The following PLPP1 variants were observed in gnomAD, a reference collection of about 807,000 sequenced individuals.
PLPP1 encodes the protein lipid phosphate phosphohydrolase 1a.
PLPP1 carries 24 observed loss-of-function variants against 31.2 expected under a neutral mutation model. That is an observed-to-expected ratio of 0.77 (90% CI 0.56 to 1.08). The LOEUF (loss-of-function observed/expected upper bound fraction) is 1.08. Ranked by LOEUF, PLPP1 falls within the 50% of genes least tolerant of loss-of-function variation. PLPP1 has a pLI of 0.00. For missense variants in PLPP1, 319 were observed against 342.7 expected, an observed-to-expected ratio of 0.93 and a Z score of 0.55; for synonymous variants, 146 against 126.3, an observed-to-expected ratio of 1.16 and a Z score of -1.05.
intron 1 of PLPP1, chr5:55,530,298 T>C (rs1371781147): frequency 1.7e-5 from 25 of 1,502,534 alleles, no homozygotes; most frequent in African/African-American, 2.8e-5. Context: ...CTGGCTAGGA[T>C]CTCCCCAAGG....
intron 3 of PLPP1, among the ~76,000 whole-genome samples, chr5:55,451,408 C>G (rs1751888334): frequency 6.6e-6 from 1 of 152,216 alleles, no homozygotes; most frequent in Admixed American, 6.5e-5. Flanking sequence ...AGGCAAAAGC[C>G]CACACAAATG....
At chr5:55,483,801 G>A (rs1245004457) in intron 1 of PLPP1, among the ~76,000 whole-genome samples, 2 of 151,756 alleles carry the variant, frequency 1.3e-5, no homozygotes, top group Non-Finnish European at 2.9e-5. Context: ...ACATCCCAGA[G>A]TAAAGGAATT....
chr5:55,519,838 G>C (rs1753627561), intron 1 of PLPP1, among the ~76,000 whole-genome samples: 1 of 151,832 alleles, frequency 6.6e-6, no homozygotes, highest in Admixed American at 6.6e-5. Context: ...TCTGAAGACA[G>C]TTACCTAAAA....
intron 1 of PLPP1, among the ~76,000 whole-genome samples, chr5:55,495,054 C>T (rs576089879): frequency 2.6e-5 from 4 of 151,136 alleles, no homozygotes; most frequent in South Asian, 4.2e-4. Context: ...TCGCTTGAAC[C>T]CGGGAGGCAG....
chr5:55,491,184 T>C, intron 1 of PLPP1: 1 of 1,500,626 alleles, frequency 6.7e-7, no homozygotes, highest in Non-Finnish European at 9.0e-7. Flanking sequence ...TAAAGTCTAC[T>C]GAATGGGATG....
chr5:55,532,772 GACGGTGAAACCCCGTCTCTAC>G (rs2111967424), intron 1 of PLPP1, among the ~76,000 whole-genome samples: 1 of 151,980 alleles, frequency 6.6e-6, no homozygotes, highest in East Asian at 2.0e-4. Flanking sequence ...GCCTGGCCAA[GACGGTGAAACCCCGTCTCTAC>G]TAAAAATACG....
At chr5:55,506,642 A>C (rs1214613397) in intron 1 of PLPP1, among the ~76,000 whole-genome samples, 2 of 152,224 alleles carry the variant, frequency 1.3e-5, no homozygotes, top group Admixed American at 1.3e-4. Flanking sequence ...CTGATTTTTT[A>C]CCAAAAAGGT....
intron 1 of PLPP1, among the ~76,000 whole-genome samples, chr5:55,496,270 T>C (rs186758174): frequency 6.6e-6 from 1 of 152,352 alleles, no homozygotes; most frequent in East Asian, 1.9e-4. Flanking sequence ...AGATACACTT[T>C]TTCCTTAATA....
intron 4 of PLPP1, among the ~76,000 whole-genome samples, chr5:55,427,575 A>G (rs1751237300): frequency 6.6e-6 from 1 of 152,160 alleles, no homozygotes; most frequent in East Asian, 1.9e-4. Context: ...CAGAGCTAGG[A>G]CTCCAAGGTC....
intron 1 of PLPP1, among the ~76,000 whole-genome samples, chr5:55,526,931 CAAAAA>C (rs34267008): frequency 4.0e-5 from 3 of 75,502 alleles, no homozygotes; most frequent in Admixed American, 1.8e-4. Context: ...GATTCCATCT[CAAAAA>C]AAAAAAAAAA....
chr5:55,532,681 G>A (rs762307759), intron 1 of PLPP1, among the ~76,000 whole-genome samples: 2 of 152,166 alleles, frequency 1.3e-5, no homozygotes, highest in Non-Finnish European at 2.9e-5. Flanking sequence ...GTGTTCAGTT[G>A]GGCGCGGTGG....
intron 4 of PLPP1, among the ~76,000 whole-genome samples, chr5:55,439,507 A>G (rs1395183763): frequency 1.3e-5 from 2 of 152,196 alleles, no homozygotes; most frequent in Non-Finnish European, 2.9e-5. Flanking sequence ...TTCCTTGCCC[A>G]GTGACACCCT....
At chr5:55,457,480 T>A (rs547758217) in intron 3 of PLPP1, among the ~76,000 whole-genome samples, 79 of 152,284 alleles carry the variant, frequency 5.2e-4, no homozygotes, top group African/African-American at 1.7e-3. Flanking sequence ...ATAAATATAT[T>A]TCACATTTTG....
chr5:55,448,234 T>C (rs1372020555), intron 3 of PLPP1, among the ~76,000 whole-genome samples: 2 of 152,174 alleles, frequency 1.3e-5, no homozygotes, highest in African/African-American at 4.8e-5. Context: ...GAATCTCACA[T>C]CTAAGATACT....
intron 1 of PLPP1, among the ~76,000 whole-genome samples, chr5:55,524,928 A>G (rs1753749238): frequency 6.6e-6 from 1 of 152,200 alleles, no homozygotes; most frequent in African/African-American, 2.4e-5. Flanking sequence ...TTTCTGGAGT[A>G]AGCTGAAATT....
chr5:55,464,384 A>G (rs896626438), intron 3 of PLPP1, among the ~76,000 whole-genome samples: 3 of 151,856 alleles, frequency 2.0e-5, no homozygotes, highest in South Asian at 2.1e-4. Flanking sequence ...ACAGGTGTGC[A>G]CCACCACACC....
intron 1 of PLPP1, among the ~76,000 whole-genome samples, chr5:55,483,405 T>C (rs1752709957): frequency 6.6e-6 from 1 of 152,100 alleles, no homozygotes. Flanking sequence ...GTGCAGCGGC[T>C]CATGCCTGTA....
chr5:55,487,689 A>G (rs1561242816), intron 1 of PLPP1, among the ~76,000 whole-genome samples: 1 of 152,164 alleles, frequency 6.6e-6, no homozygotes, highest in African/African-American at 2.4e-5. Context: ...ATAGAAAATA[A>G]ATTATTTTCT....
chr5:55,514,767 T>C (rs1398167968), intron 1 of PLPP1, among the ~76,000 whole-genome samples: 5 of 152,252 alleles, frequency 3.3e-5, no homozygotes, highest in Admixed American at 6.5e-5. Context: ...TAGCAAATAA[T>C]ATTTCCATTT....
Sources: gnomAD v4.1 joint callset for allele counts (sites outside exome capture counted in the v4.1 genomes callset) on GRCh38, gnomAD v4.1.1 for gene constraint, MANE v1.5 for transcripts, NCBI Gene and HGNC (gene_info 2026-07-23, HGNC 2026-07-21) for gene names.